The following IL1RAPL1 variants were observed in gnomAD, a reference collection of about 807,000 sequenced individuals.
The protein encoded by IL1RAPL1 is interleukin 1 receptor accessory protein like 1.
A neutral mutation model predicts 48.4 loss-of-function variants in IL1RAPL1; 3 were observed. That is an observed-to-expected ratio of 0.06 (90% CI 0.03 to 0.16). IL1RAPL1 has a LOEUF of 0.16. Ranked by LOEUF, IL1RAPL1 falls within the 10% of genes least tolerant of loss-of-function variation. The pLI, the probability that IL1RAPL1 is intolerant of heterozygous loss-of-function variation, is 1.00. For synonymous variants in IL1RAPL1, 185 were observed against 187.7 expected, an observed-to-expected ratio of 0.99 and a Z score of 0.12; for missense variants, 349 against 530.6, an observed-to-expected ratio of 0.66 and a Z score of 3.36.
intron 2 of IL1RAPL1, among the ~76,000 whole-genome samples, chrX:29,023,517 A>G (rs1926417000): frequency 8.9e-6 from 1 of 112,719 alleles, no homozygotes; most frequent in Non-Finnish European, 1.9e-5. Flanking sequence ...CAAATAGGGA[A>G]TAACAGAACA....
chrX:28,617,217 A>G (rs1934230816), intron 1 of IL1RAPL1, among the ~76,000 whole-genome samples: 1 of 111,648 alleles, frequency 9.0e-6, no homozygotes, highest in Admixed American at 9.5e-5. Context: ...GTAGTCTCCT[A>G]TTATAAAATC....
chrX:29,439,447 G>A (rs183853489), intron 5 of IL1RAPL1, among the ~76,000 whole-genome samples: 4 of 111,574 alleles, frequency 3.6e-5, no homozygotes, highest in East Asian at 2.8e-4. Context: ...AAGCTAATGC[G>A]TTAAAGGTAT....
chrX:29,849,718 A>C (rs1016162630), intron 6 of IL1RAPL1, among the ~76,000 whole-genome samples: 1 of 111,875 alleles, frequency 8.9e-6, no homozygotes, highest in African/African-American at 3.2e-5. Flanking sequence ...GACAAGATGG[A>C]GGAACTTGAG....
intron 5 of IL1RAPL1, among the ~76,000 whole-genome samples, chrX:29,426,088 A>T (rs1381750360): frequency 8.9e-6 from 1 of 111,813 alleles, no homozygotes; most frequent in Non-Finnish European, 1.9e-5. Context: ...CACTCAGTCC[A>T]GTGAGCCCAG....
At chrX:29,403,616 CAT>C (rs1278206840) in intron 5 of IL1RAPL1, among the ~76,000 whole-genome samples, 5 of 111,857 alleles carry the variant, frequency 4.5e-5, no homozygotes, top group African/African-American at 1.6e-4. Flanking sequence ...AACATATACA[CAT>C]ATCTATAGAT....
At chrX:29,601,361 G>C (rs1923711993) in intron 5 of IL1RAPL1, among the ~76,000 whole-genome samples, 1 of 111,758 alleles carries the variant, frequency 8.9e-6, no homozygotes, top group Non-Finnish European at 1.9e-5. Flanking sequence ...TGGATGCCTA[G>C]ATCATTCCTA....
intron 2 of IL1RAPL1, among the ~76,000 whole-genome samples, chrX:29,253,497 G>A (rs16988482): frequency 0.024 from 2,612 of 111,003 alleles, 80 homozygotes; most frequent in African/African-American, 0.081. Flanking sequence ...GATAATGGTC[G>A]TAACTAACAT....
chrX:29,402,570 C>G lies in IL1RAPL1; in HGVS notation c.703+3262C>G, dbSNP rs143934496. On this transcript the variant is annotated intron_variant, in intron 5 of 10. Transcript: ENST00000378993. ...AATCCCATCTAGCCTGCATTCAGTT[C>G]CCCCTGTTATTCACATCTAATATTA... Among the ~76,000 whole-genome samples the G allele has an allele frequency of 1.5e-4, 17 of 111,521 alleles. No individual in the cohort carries two copies. The East Asian group carries it at 4.5e-3, about 29-fold the overall frequency.
chrX:28,880,803 A>C (rs977437408), intron 2 of IL1RAPL1, among the ~76,000 whole-genome samples: 13 of 111,433 alleles, frequency 1.2e-4, no homozygotes, highest in Middle Eastern at 4.7e-3. Context: ...GTCTTATTTC[A>C]CAAAATTTCC....
rs11371992 is a variant in IL1RAPL1, at chrX:29,188,585, CT to C, written c.83-94334del. Among the ~76,000 whole-genome samples, 185 of 79,150 alleles carry C rather than the reference CT, an allele frequency of 2.3e-3. 1 individual carries two copies. Among genetic ancestry groups the C allele is most frequent in the African/African-American group, 6.2e-3 (129 of 20,897 alleles). 68.7% of individuals were successfully genotyped at this position (79,150 alleles called of 115,157 possible). ...TACTGTAGTTGGGTTAAAACATACACTTTTTTTTTTTTTTTTTTTGAGATGG... is the reference window on the plus strand; with the variant it reads ...TACTGTAGTTGGGTTAAAACATACACTTTTTTTTTTTTTTTTTTGAGATGG... On this transcript the variant is annotated intron_variant, in intron 2 of 10. Coordinates refer to ENST00000378993, the MANE Select transcript of IL1RAPL1 (RefSeq NM_014271.4).
At chrX:29,178,980 C>G (rs1274583945) in intron 2 of IL1RAPL1, among the ~76,000 whole-genome samples, 2 of 111,694 alleles carry the variant, frequency 1.8e-5, no homozygotes, top group African/African-American at 3.3e-5. Flanking sequence ...CCAGTACCAT[C>G]CTGTTTTGGT....
chrX:29,853,983 G>A (rs1931429142), intron 6 of IL1RAPL1, among the ~76,000 whole-genome samples: 2 of 111,981 alleles, frequency 1.8e-5, no homozygotes, highest in African/African-American at 6.5e-5. Context: ...AACGTATTTT[G>A]TTTTCATCCG....
At chrX:29,267,329 T>A (rs1421158549) in intron 2 of IL1RAPL1, among the ~76,000 whole-genome samples, 1 of 112,375 alleles carries the variant, frequency 8.9e-6, no homozygotes, top group Non-Finnish European at 1.9e-5. Flanking sequence ...ATTTCCACTA[T>A]GAGAGTGATG....
chrX:28,991,475 G>A (rs939813767), intron 2 of IL1RAPL1, among the ~76,000 whole-genome samples: 8 of 111,532 alleles, frequency 7.2e-5, no homozygotes, highest in African/African-American at 2.3e-4. Flanking sequence ...ATGATAAATA[G>A]AATATCAAAA....
At chrX:29,884,209 C>T (rs1932090590) in intron 6 of IL1RAPL1, among the ~76,000 whole-genome samples, 1 of 111,572 alleles carries the variant, frequency 9.0e-6, no homozygotes, top group Non-Finnish European at 1.9e-5. Flanking sequence ...ATTTTTATTC[C>T]CTTTCACCTT....
At chrX:29,161,442 A>G (rs1484131479) in intron 2 of IL1RAPL1, among the ~76,000 whole-genome samples, 1 of 112,369 alleles carries the variant, frequency 8.9e-6, no homozygotes, top group Non-Finnish European at 1.9e-5. Context: ...TGTATTAGCT[A>G]ATGTATTAGG....
At chrX:28,601,214 A>G (rs974088572) in intron 1 of IL1RAPL1, among the ~76,000 whole-genome samples, 9 of 111,032 alleles carry the variant, frequency 8.1e-5, no homozygotes, top group African/African-American at 3.0e-4. Flanking sequence ...AGGTAAAGAG[A>G]TCGAGACCAT....
intron 1 of IL1RAPL1, among the ~76,000 whole-genome samples, chrX:28,723,161 A>AT (rs1935612257): frequency 9.0e-6 from 1 of 111,435 alleles, no homozygotes; most frequent in East Asian, 2.8e-4. Context: ...TAGTTTCAGA[A>AT]GGTATGGTTC....
At chrX:28,837,682 CTTTTTTTTTTTTT>C (rs58666924) in intron 2 of IL1RAPL1, among the ~76,000 whole-genome samples, 524 of 37,257 alleles carry the variant, frequency 0.014, 7 homozygotes, top group African/African-American at 0.048. Flanking sequence ...CATTCCACTT[CTTTTTTTTTTTTT>C]TTTTTTTTTT....
Sources: allele counts gnomAD v4.1 joint callset (sites outside exome capture counted in the v4.1 genomes callset), GRCh38; gene constraint gnomAD v4.1.1; transcripts MANE v1.5; gene names NCBI Gene and HGNC (gene_info 2026-07-23, HGNC 2026-07-21).